The following GRIP1 variants were observed in gnomAD, a reference collection of about 807,000 sequenced individuals.
GRIP1 encodes glutamate receptor interacting protein 1.
A neutral mutation model predicts 129.9 loss-of-function variants in GRIP1; 45 were observed. The observed-to-expected ratio is 0.35, with a 90% CI of 0.27 to 0.44. The LOEUF (loss-of-function observed/expected upper bound fraction) is 0.44, where lower values mean the gene tolerates loss of function less well. Ranked by LOEUF, GRIP1 falls within the 20% of genes least tolerant of loss-of-function variation. The pLI is 1.00. For synonymous variants in GRIP1, 530 were observed against 520.8 expected, an observed-to-expected ratio of 1.02 and a Z score of -0.24; for missense variants, 1,196 against 1,396.8, an observed-to-expected ratio of 0.86 and a Z score of 2.29.
At chr12:66,630,617 A>G (rs2030668490) in intron 1 of GRIP1, among the ~76,000 whole-genome samples, 1 of 152,234 alleles carries the variant, frequency 6.6e-6, no homozygotes. Context: ...CATACATTCA[A>G]AAGTTAGCTG....
chr12:66,567,426 A>G (rs998152977), intron 2 of GRIP1: 3 of 152,098 alleles, frequency 2.0e-5, no homozygotes, highest in African/African-American at 7.2e-5. Context: ...GAAGTAAAGC[A>G]CTCCTCAGCA....
At chr12:66,517,060 A>G (rs1300231264) in intron 6 of GRIP1, among the ~76,000 whole-genome samples, 1 of 152,058 alleles carries the variant, frequency 6.6e-6, no homozygotes, top group Non-Finnish European at 1.5e-5. Flanking sequence ...AATAATGGTT[A>G]TTATTATTAT....
At chr12:67,048,796 C>T (rs933493371) in intron 1 of GRIP1, among the ~76,000 whole-genome samples, 3 of 152,168 alleles carry the variant, frequency 2.0e-5, no homozygotes, top group African/African-American at 7.2e-5. Flanking sequence ...TTTCCCCACA[C>T]AAGTTCTCTC....
At chr12:66,837,099 A>G (rs557625177) in intron 1 of GRIP1, among the ~76,000 whole-genome samples, 6 of 152,322 alleles carry the variant, frequency 3.9e-5, no homozygotes, top group African/African-American at 1.4e-4. Flanking sequence ...TTTTTCCCCT[A>G]AACTTACTGC....
At chr12:66,946,334 T>C (rs569438026) in intron 1 of GRIP1, among the ~76,000 whole-genome samples, 5 of 152,230 alleles carry the variant, frequency 3.3e-5, no homozygotes, top group African/African-American at 1.2e-4. Flanking sequence ...CTAAACCCAG[T>C]AGAGGTCCTG....
chr12:66,469,888 C>T (rs778308013), intron 7 of GRIP1, among the ~76,000 whole-genome samples: 2 of 152,140 alleles, frequency 1.3e-5, no homozygotes, highest in Non-Finnish European at 2.9e-5. Flanking sequence ...GTGAGACCAC[C>T]CTACTCCACT....
chr12:66,491,031 C>T (rs1432277343), intron 7 of GRIP1, among the ~76,000 whole-genome samples: 1 of 152,172 alleles, frequency 6.6e-6, no homozygotes, highest in Non-Finnish European at 1.5e-5. Flanking sequence ...ATTAGTTCAA[C>T]CATTGTGGAA....
At chr12:66,822,601 T>C (rs1217412842) in intron 1 of GRIP1, among the ~76,000 whole-genome samples, 3 of 152,130 alleles carry the variant, frequency 2.0e-5, no homozygotes, top group African/African-American at 7.2e-5. Flanking sequence ...GGAATCAACC[T>C]AGGTGCCCAT....
chr12:66,493,295 A>G (rs1251351491), intron 7 of GRIP1, among the ~76,000 whole-genome samples: 1 of 152,126 alleles, frequency 6.6e-6, no homozygotes, highest in East Asian at 1.9e-4. Context: ...TGGTAAGGAG[A>G]TCCTGAAGGC....
chr12:66,524,333 A>C (rs2061143822), intron 5 of GRIP1, among the ~76,000 whole-genome samples: 1 of 152,246 alleles, frequency 6.6e-6, no homozygotes, highest in Non-Finnish European at 1.5e-5. Context: ...ACTGTCCCTC[A>C]GACTACAGTG....
At position 66,746,678 on chromosome 12, in the gene GRIP1, C is replaced by T. The variant is rs895673459; in HGVS notation, c.-420+57375G>A. Among the ~76,000 whole-genome samples, 3 of 152,156 alleles carry T rather than the reference C, an allele frequency of 2.0e-5. No individual in the cohort carries two copies. The East Asian group carries it at 5.8e-4, about 29-fold the overall frequency. On this transcript the variant is annotated intron_variant, in intron 1 of 4. Transcript: ENST00000538373. ...CATTACCCACAGGGTAGCTACTTCC[C>T]TATGACTGAGCTTAATTAGGTACTA... is the stretch of plus-strand genomic sequence containing the variant.
chr12:66,723,239 TC>T (rs61690289), intron 1 of GRIP1, among the ~76,000 whole-genome samples: 30 of 23,558 alleles, frequency 1.3e-3, no homozygotes, highest in East Asian at 4.5e-3. Flanking sequence ...TCTCTCTCTC[TC>T]TTCCTTCCTT....
chr12:66,388,738 CA>C (rs2056461593), intron 19 of GRIP1, among the ~76,000 whole-genome samples: 2 of 152,332 alleles, frequency 1.3e-5, no homozygotes, highest in South Asian at 4.1e-4. Flanking sequence ...TCTTTCCCCA[CA>C]AGGTTTCGTC....
intron 14 of GRIP1, among the ~76,000 whole-genome samples, chr12:66,423,114 G>A (rs1483648966): frequency 6.6e-6 from 1 of 152,138 alleles, no homozygotes; most frequent in Non-Finnish European, 1.5e-5. Flanking sequence ...AAATAGATGG[G>A]CAATATGGTG....
intron 1 of GRIP1, among the ~76,000 whole-genome samples, chr12:66,653,943 G>A (rs577533280): frequency 6.6e-6 from 1 of 152,240 alleles, no homozygotes; most frequent in South Asian, 2.1e-4. Flanking sequence ...TCAGAGAACA[G>A]AGACTAAAAG....
chr12:66,403,790 G>A (rs917544497), intron 16 of GRIP1, among the ~76,000 whole-genome samples: 9 of 152,208 alleles, frequency 5.9e-5, no homozygotes, highest in Admixed American at 6.5e-5. Context: ...GGGGGAAAAT[G>A]AGGCAAAGGA....
At chr12:66,881,781 T>C (rs1326379450) in intron 1 of GRIP1, among the ~76,000 whole-genome samples, 1 of 152,092 alleles carries the variant, frequency 6.6e-6, no homozygotes, top group Non-Finnish European at 1.5e-5. Flanking sequence ...TGTGGGCTGT[T>C]GGGAATAAAA....
At chr12:66,930,915 A>G (rs1387203796) in intron 1 of GRIP1, among the ~76,000 whole-genome samples, 1 of 152,208 alleles carries the variant, frequency 6.6e-6, no homozygotes, top group Non-Finnish European at 1.5e-5. Context: ...CATGTGCTGT[A>G]TCTATCTTGG....
Position 67,054,127 on chromosome 12 carries a change from G to A in GRIP1, c.58+14923C>T, listed in dbSNP as rs77203281. On this transcript the variant is annotated intron_variant, in intron 1 of 1. Coordinates refer to the GRIP1 transcript ENST00000643019. ...AAGATATGGAATATAAATTGTTCCTGATTCTTCTTCCCCTGAAATCAAGAT... is the reference window on the plus strand; with the variant it reads ...AAGATATGGAATATAAATTGTTCCTAATTCTTCTTCCCCTGAAATCAAGAT... 4.2e-3 allele frequency among the ~76,000 whole-genome samples: 647 copies of A among 152,314 alleles called. 3 individuals are homozygous for A. The highest frequency in any genetic ancestry group is 7.3e-3 in the Non-Finnish European group (499 of 68,036).
Sources: allele counts gnomAD v4.1 joint callset (sites outside exome capture counted in the v4.1 genomes callset), GRCh38; gene constraint gnomAD v4.1.1; transcripts MANE v1.5; gene names NCBI Gene and HGNC (gene_info 2026-07-23, HGNC 2026-07-21).